Variants in PHYHIPL observed in about 807,000 individuals in gnomAD.
PHYHIPL encodes phytanoyl-CoA 2-hydroxylase interacting protein like.
A neutral mutation model predicts 33.4 loss-of-function variants in PHYHIPL; 9 were observed. That is an observed-to-expected ratio of 0.27 (90% confidence interval 0.16 to 0.47). The LOEUF (loss-of-function observed/expected upper bound fraction) is 0.47, where lower values mean the gene tolerates loss of function less well. Among genes scored for constraint, PHYHIPL ranks in the 20% least tolerant of loss-of-function variants. The pLI, the probability that PHYHIPL is intolerant of heterozygous loss-of-function variation, is 0.99. For synonymous variants in PHYHIPL, 153 were observed against 154.1 expected (o/e 0.99, Z 0.05); for missense variants, 365 against 460.7 (o/e 0.79, Z 1.90).
chr10:59,230,325 C>A (rs1228119785), intron 1 of PHYHIPL, among the ~76,000 whole-genome samples: 1 of 151,622 alleles, frequency 6.6e-6, no homozygotes, highest in Admixed American at 6.6e-5. Flanking sequence ...GTGATTCTCC[C>A]ACCTCAGCCT....
At chr10:59,201,409 T>C (rs1480985527) in intron 1 of PHYHIPL, among the ~76,000 whole-genome samples, 4 of 152,226 alleles carry the variant, frequency 2.6e-5, no homozygotes, top group Admixed American at 2.0e-4. Context: ...TTGATTGCAC[T>C]GTGGTCTGAG....
At chr10:59,195,037 A>G (rs1838873704) in intron 1 of PHYHIPL, among the ~76,000 whole-genome samples, 1 of 152,196 alleles carries the variant, frequency 6.6e-6, no homozygotes, top group South Asian at 2.1e-4. Flanking sequence ...GAGAAAGAAA[A>G]GTGTGGAATA....
chr10:59,236,351 C>T (rs2133289521), intron 2 of PHYHIPL, 132 bp from the exon 3 acceptor site: 2 of 475,930 alleles, frequency 4.2e-6, no homozygotes, highest in Non-Finnish European at 7.3e-6. Flanking sequence ...CCTTCCCTCC[C>T]TCCTTCCCTT....
chr10:59,193,971 T>A (rs1838843632), intron 1 of PHYHIPL, among the ~76,000 whole-genome samples: 1 of 152,060 alleles, frequency 6.6e-6, no homozygotes, highest in African/African-American at 2.4e-5. Context: ...AGAATTGAAA[T>A]TAAGCTTAAA....
intron 1 of PHYHIPL, among the ~76,000 whole-genome samples, chr10:59,201,726 G>A (rs1360240983): frequency 1.3e-5 from 2 of 152,188 alleles, no homozygotes; most frequent in East Asian, 3.9e-4. Context: ...TTCAGCCATT[G>A]AATAATGAAA....
In PHYHIPL at chr10:59,176,724, C is replaced by G. The variant is rs1838260717; in HGVS notation, c.-130C>G. 6.2e-6 allele frequency: 5 copies of G among 809,376 alleles called. No individual in the cohort carries two copies. The highest frequency in any genetic ancestry group is 7.6e-6 in the Non-Finnish European group (4 of 527,708). 50.1% of individuals were successfully genotyped at this position (809,376 alleles called of 1,614,324 possible). A position where few individuals can be genotyped will look rare whatever the true frequency, so the allele number is the denominator to read the frequency against. On this transcript the variant is annotated 5_prime_UTR_variant, in exon 1 of 5. Coordinates refer to ENST00000373880, the MANE Select transcript of PHYHIPL (RefSeq NM_032439.4). The stretch of plus-strand genomic sequence containing the variant: ...CAGCCCCGCGCCTCAGCCTCGGCGC[C>G]GCATCACCGCGTCCCAGGCCTCCTT...
intron 1 of PHYHIPL, among the ~76,000 whole-genome samples, chr10:59,203,267 A>G (rs982781763): frequency 1.3e-5 from 2 of 152,170 alleles, no homozygotes; most frequent in Admixed American, 1.3e-4. Flanking sequence ...CCAGGAAACA[A>G]CAGGTGCTGG....
chr10:59,236,482 G>A lies in PHYHIPL; in HGVS notation c.304-1G>A. 1 of 1,577,544 alleles carries A rather than the reference G, an allele frequency of 6.3e-7. No individual in the cohort carries two copies. The highest frequency in any genetic ancestry group is 8.6e-7 in the Non-Finnish European group (1 of 1,159,000). On this transcript the variant is annotated splice_acceptor_variant, in intron 2 of 4. Coordinates refer to ENST00000373880, the MANE Select transcript of PHYHIPL (RefSeq NM_032439.4). LOFTEE classifies it high-confidence loss of function. ...CTCTCTCTTCCTTCTTTCATTCCTA[G>A]GATGTTCCCACAAAATTGGTGGCAA...
At chr10:59,243,990 T>C (rs184738137) in intron 4 of PHYHIPL, among the ~76,000 whole-genome samples, 22 of 152,250 alleles carry the variant, frequency 1.4e-4, no homozygotes, top group African/African-American at 5.1e-4. Context: ...TTATGAAGAA[T>C]GCAGCCCTGC....
chr10:59,243,118 CA>C (rs1840466573), intron 4 of PHYHIPL, among the ~76,000 whole-genome samples: 1 of 143,998 alleles, frequency 6.9e-6, no homozygotes. Context: ...CTGAAAACTG[CA>C]GGCCAAAGGA....
At chr10:59,184,632 T>G (rs984505817) in intron 1 of PHYHIPL, among the ~76,000 whole-genome samples, 2 of 151,940 alleles carry the variant, frequency 1.3e-5, no homozygotes, top group African/African-American at 4.8e-5. Context: ...CCCTAGTTTT[T>G]TTTTTTTAAT....
intron 1 of PHYHIPL, chr10:59,177,753 T>C: frequency 9.3e-7 from 1 of 1,078,818 alleles, no homozygotes. Context: ...GTGTGGTTAG[T>C]TACAGTGCTT....
At chr10:59,203,856 T>G (rs990541966) in intron 1 of PHYHIPL, among the ~76,000 whole-genome samples, 1 of 152,160 alleles carries the variant, frequency 6.6e-6, no homozygotes, top group African/African-American at 2.4e-5. Flanking sequence ...ACATGGCACA[T>G]GCATACATAT....
chr10:59,177,184 A>G (rs1838275882), intron 1 of PHYHIPL: 1 of 595,324 alleles, frequency 1.7e-6, no homozygotes. Context: ...GCCGTCCACA[A>G]CCGTGGCGCC....
rs112805326 is a variant in PHYHIPL, at chr10:59,180,952, G to A, written c.106+3993G>A. 4.9e-3 allele frequency among the ~76,000 whole-genome samples: 749 copies of A among 152,232 alleles called. 12 individuals are homozygous for A. The highest frequency in any genetic ancestry group is 3.4e-3 in the Middle Eastern group (1 of 292). On this transcript the variant is annotated intron_variant, in intron 1 of 4. Transcript: ENST00000373880. ...ATAGTCTTTATTACAAGAATGTAAG[G>A]TAGTCATTACTCAGTCTCAGTGACA...
At chr10:59,176,357 G>A (rs2133166996), upstream of PHYHIPL, among the ~76,000 whole-genome samples, 1 of 152,274 alleles carries the variant, frequency 6.6e-6, no homozygotes, top group Non-Finnish European at 1.5e-5. Context: ...CTATCACCAG[G>A]AGAGAGGGCG....
intron 4 of PHYHIPL, 114 bp from the exon 5 acceptor site, chr10:59,244,941 AAG>A (rs1374892824): frequency 2.0e-5 from 20 of 1,021,102 alleles, no homozygotes; most frequent in Non-Finnish European, 4.2e-6. Context: ...TTCTGATAGT[AAG>A]AGAGGTATTC....
At chr10:59,177,041 C>T (rs1838270337) in intron 1 of PHYHIPL, 82 bp downstream of exon 1, 6 of 1,234,520 alleles carry the variant, frequency 4.9e-6, no homozygotes, top group South Asian at 3.8e-5. Flanking sequence ...CGACGCCGCT[C>T]GCCAGGGCGG....
At chr10:59,222,733 G>GA (rs11431653) in intron 1 of PHYHIPL, among the ~76,000 whole-genome samples, 151,656 of 152,080 alleles carry the variant, frequency 1, 75,618 homozygotes, top group Middle Eastern at 1. Context: ...GGTTTCAAAA[G>GA]AAAAAAATTC....
Sources: gnomAD v4.1 joint callset for allele counts (sites outside exome capture counted in the v4.1 genomes callset) on GRCh38, gnomAD v4.1.1 for gene constraint, MANE v1.5 for transcripts, NCBI Gene and HGNC (gene_info 2026-07-23, HGNC 2026-07-21) for gene names.